The following TIAM1 variants were observed in gnomAD, a reference collection of about 807,000 sequenced individuals.
TIAM1 encodes TIAM Rac1 associated GEF 1.
Under a neutral mutation model 163.5 loss-of-function variants are expected in TIAM1, and 65 were observed. The observed-to-expected ratio is 0.40, with a 90% CI of 0.33 to 0.49. TIAM1 has a LOEUF of 0.49. Among genes scored for constraint, TIAM1 ranks in the 20% least tolerant of loss-of-function variants. The pLI is 0.77. For synonymous variants in TIAM1, 833 were observed against 810.1 expected (o/e 1.03, Z -0.48); for missense variants, 1,789 against 2,044.7 (o/e 0.87, Z 2.41).
At chr21:31,552,785 G>A (rs2048737958) in intron 1 of TIAM1, among the ~76,000 whole-genome samples, 1 of 152,074 alleles carries the variant, frequency 6.6e-6, no homozygotes, top group Non-Finnish European at 1.5e-5. Flanking sequence ...AAGAAAAAAA[G>A]AGAGAGAATA....
At chr21:31,441,235 G>A (rs1038665548) in intron 2 of TIAM1, among the ~76,000 whole-genome samples, 1 of 152,202 alleles carries the variant, frequency 6.6e-6, no homozygotes, top group Admixed American at 6.5e-5. Context: ...GCCCATTAGG[G>A]TTGGAAGGAA....
rs565944487 is a variant in TIAM1, at chr21:31,557,072, A to T, written c.-422+1855T>A. On this transcript the variant is annotated intron_variant, in intron 1 of 28. Transcript: ENST00000286827. Reference sequence around the variant, plus strand: ...CACTGGCAACTGCTTTCCACCTGGAAGGGTTTTTCCTTCTCCAAACCCAGG... The same window carrying T: ...CACTGGCAACTGCTTTCCACCTGGATGGGTTTTTCCTTCTCCAAACCCAGG... Among the ~76,000 whole-genome samples, 55 of 152,358 alleles carry T rather than the reference A, an allele frequency of 3.6e-4. 1 individual carries two copies. The South Asian group carries it at 0.011, about 31-fold the overall frequency.
chr21:31,478,771 T>C (rs932400123), intron 1 of TIAM1, among the ~76,000 whole-genome samples: 2 of 152,156 alleles, frequency 1.3e-5, no homozygotes, highest in Non-Finnish European at 2.9e-5. Flanking sequence ...GAAGCCAAAG[T>C]GTTTCAACTC....
chr21:31,237,402 C>G (rs1443802432), intron 6 of TIAM1, among the ~76,000 whole-genome samples: 1 of 152,200 alleles, frequency 6.6e-6, no homozygotes, highest in Non-Finnish European at 1.5e-5. Flanking sequence ...TGACGAAACT[C>G]AAGACCTTAG....
intron 16 of TIAM1, among the ~76,000 whole-genome samples, chr21:31,158,578 G>A (rs16987850): frequency 0.035 from 5,272 of 152,200 alleles, 334 homozygotes; most frequent in African/African-American, 0.12. Flanking sequence ...GCACATACAT[G>A]TTGTTAAGCG....
chr21:31,390,544 T>A (rs533514363), intron 2 of TIAM1, among the ~76,000 whole-genome samples: 1 of 152,202 alleles, frequency 6.6e-6, no homozygotes, highest in African/African-American at 2.4e-5. Context: ...ACAGATGTTA[T>A]GAGCAGGAAG....
At chr21:31,346,106 G>A (rs532881904), upstream of TIAM1, among the ~76,000 whole-genome samples, 1 of 152,026 alleles carries the variant, frequency 6.6e-6, no homozygotes, top group East Asian at 1.9e-4. Flanking sequence ...TATCTAGTAG[G>A]TAGAGTCCAG....
intron 26 of TIAM1, among the ~76,000 whole-genome samples, chr21:31,125,221 T>TAAA (rs397866589): frequency 7.3e-6 from 1 of 137,818 alleles, no homozygotes; most frequent in East Asian, 2.1e-4. Flanking sequence ...TTCTCATGGT[T>TAAA]AAAAAAAAAA....
At chr21:31,172,460 T>C (rs998672867) in intron 15 of TIAM1, among the ~76,000 whole-genome samples, 3 of 152,134 alleles carry the variant, frequency 2.0e-5, no homozygotes, top group Non-Finnish European at 4.4e-5. Context: ...CCCCACCTAC[T>C]TACCAGGAAA....
chr21:31,143,592 T>C (rs976147831), intron 20 of TIAM1, among the ~76,000 whole-genome samples: 9 of 152,054 alleles, frequency 5.9e-5, no homozygotes, highest in South Asian at 2.1e-4. Context: ...ATTTATAGAT[T>C]TTATTAGAAA....
chr21:31,525,036 A>G (rs2047731970), intron 1 of TIAM1, among the ~76,000 whole-genome samples: 1 of 152,032 alleles, frequency 6.6e-6, no homozygotes, highest in South Asian at 2.1e-4. Context: ...GGGAGCGAGC[A>G]TGTCACGTGG....
intron 1 of TIAM1, among the ~76,000 whole-genome samples, chr21:31,481,497 T>C (rs2046107543): frequency 6.6e-6 from 1 of 152,072 alleles, no homozygotes; most frequent in African/African-American, 2.4e-5. Context: ...CCCACAAGAT[T>C]GCCCCCATTT....
chr21:31,524,479 G>A (rs2047713275), intron 1 of TIAM1, among the ~76,000 whole-genome samples: 1 of 152,170 alleles, frequency 6.6e-6, no homozygotes, highest in South Asian at 2.1e-4. Flanking sequence ...GAGATTTGGA[G>A]GGGACATCCA....
At chr21:31,352,671 A>G (rs776004358) in intron 2 of TIAM1, among the ~76,000 whole-genome samples, 2 of 151,696 alleles carry the variant, frequency 1.3e-5, no homozygotes, top group Non-Finnish European at 2.9e-5. Flanking sequence ...GGCCAACACA[A>G]TGAAACCTCA....
At chr21:31,260,142 T>C (rs907817599) in intron 4 of TIAM1, among the ~76,000 whole-genome samples, 1 of 148,162 alleles carries the variant, frequency 6.7e-6, no homozygotes, top group African/African-American at 2.5e-5. Flanking sequence ...GGTCTCACTA[T>C]GTTTCCTAGG....
chr21:31,420,927 G>A (rs1389914224), intron 2 of TIAM1, among the ~76,000 whole-genome samples: 1 of 152,126 alleles, frequency 6.6e-6, no homozygotes, highest in Non-Finnish European at 1.5e-5. Context: ...TTCGAGACCA[G>A]CCTGGCCAAC....
At chr21:31,124,457 C>A in intron 27 of TIAM1, 65 bp downstream of exon 27, 2 of 1,596,424 alleles carry the variant, frequency 1.3e-6, no homozygotes, top group Non-Finnish European at 1.7e-6. Context: ...GGAGGTCAAG[C>A]TCACTGGAGT....
intron 2 of TIAM1, among the ~76,000 whole-genome samples, chr21:31,371,872 G>A (rs752035491): frequency 1.6e-4 from 24 of 152,180 alleles, no homozygotes; most frequent in Non-Finnish European, 3.2e-4. Context: ...CAGCCCGGCT[G>A]AGTCAAAGGA....
intron 1 of TIAM1, among the ~76,000 whole-genome samples, chr21:31,474,409 C>T (rs1200760121): frequency 6.6e-6 from 1 of 152,198 alleles, no homozygotes; most frequent in Non-Finnish European, 1.5e-5. Context: ...CAGCCCCAGG[C>T]ACTCTGTGCC....
Sources: gnomAD v4.1 joint callset for allele counts (sites outside exome capture counted in the v4.1 genomes callset) on GRCh38, gnomAD v4.1.1 for gene constraint, MANE v1.5 for transcripts, NCBI Gene and HGNC (gene_info 2026-07-23, HGNC 2026-07-21) for gene names.